Variants in FERMT2 observed in about 807,000 individuals in gnomAD.
FERMT2 encodes fermitin family homolog 2.
In FERMT2, 15 loss-of-function variants were observed where a neutral mutation model predicts 82.7. The observed-to-expected ratio is 0.18, with a 90% confidence interval of 0.12 to 0.28. FERMT2 has a LOEUF of 0.28. FERMT2 is among the 10% of genes least tolerant of loss of function. The pLI is 1.00. For synonymous variants in FERMT2, 274 were observed against 271.5 expected (o/e 1.01, Z -0.09); for missense variants, 645 against 809.4 (o/e 0.80, Z 2.46).
chr14:52,941,016 C>A (rs1220657214), intron 2 of FERMT2, among the ~76,000 whole-genome samples: 1 of 152,174 alleles, frequency 6.6e-6, no homozygotes, highest in Non-Finnish European at 1.5e-5. Flanking sequence ...AATATGCATT[C>A]ACACGGATGT....
intron 3 of FERMT2, among the ~76,000 whole-genome samples, chr14:52,905,190 A>C (rs1430251792): frequency 8.0e-6 from 1 of 124,504 alleles, no homozygotes; most frequent in African/African-American, 2.7e-5. Context: ...CTCCATCTCA[A>C]AAAAAAAAAA....
intron 2 of FERMT2, among the ~76,000 whole-genome samples, chr14:52,922,585 G>A (rs562625661): frequency 5.3e-5 from 8 of 152,250 alleles, no homozygotes; most frequent in African/African-American, 1.7e-4. Context: ...CTAAAACATA[G>A]AGGGCAAAGA....
chr14:52,891,749 C>A (rs886832380), intron 4 of FERMT2, among the ~76,000 whole-genome samples: 38 of 152,138 alleles, frequency 2.5e-4, no homozygotes, highest in African/African-American at 8.7e-4. Context: ...GGGGACCCAT[C>A]CTAAGTAATG....
chr14:52,861,349 C>A (rs770533682), intron 12 of FERMT2: 3 of 326,728 alleles, frequency 9.2e-6, no homozygotes, highest in African/African-American at 6.7e-5. Flanking sequence ...GCAAATATTT[C>A]TTTCCCCCTA....
chr14:52,884,929 G>A (rs12883765), intron 4 of FERMT2, among the ~76,000 whole-genome samples: 2 of 151,794 alleles, frequency 1.3e-5, no homozygotes, highest in Non-Finnish European at 2.9e-5. Context: ...TTGAACCGAG[G>A]AGGTGGAGGT....
chr14:52,871,003 C>T (rs542607925), intron 10 of FERMT2, among the ~76,000 whole-genome samples: 13 of 152,248 alleles, frequency 8.5e-5, no homozygotes, highest in Admixed American at 5.9e-4. Context: ...TACAAATGTA[C>T]CCAAAGAAGA....
chr14:52,923,929 G>A (rs944040520), intron 2 of FERMT2, among the ~76,000 whole-genome samples: 1 of 152,156 alleles, frequency 6.6e-6, no homozygotes, highest in South Asian at 2.1e-4. Flanking sequence ...TTAGAAGATG[G>A]GTAAGCTGGA....
intron 10 of FERMT2, among the ~76,000 whole-genome samples, chr14:52,870,758 A>G (rs766158494): frequency 2.5e-4 from 38 of 152,210 alleles, no homozygotes; most frequent in Non-Finnish European, 3.7e-4. Context: ...CAATGACAAA[A>G]TCACCTGGTG....
At chr14:52,931,986 G>T (rs1889601149) in intron 2 of FERMT2, among the ~76,000 whole-genome samples, 1 of 152,200 alleles carries the variant, frequency 6.6e-6, no homozygotes, top group Non-Finnish European at 1.5e-5. Context: ...CCCAGATCGT[G>T]CCACTGCACT....
At chr14:52,890,241 G>A (rs1462677635) in intron 4 of FERMT2, among the ~76,000 whole-genome samples, 5 of 150,726 alleles carry the variant, frequency 3.3e-5, no homozygotes, top group South Asian at 2.1e-4. Context: ...TGAGGAGTTC[G>A]AGACCAGCCT....
intron 10 of FERMT2, among the ~76,000 whole-genome samples, chr14:52,868,502 CTG>C (rs2140077346): frequency 6.6e-6 from 1 of 152,296 alleles, no homozygotes; most frequent in East Asian, 1.9e-4. Flanking sequence ...AGGATTGAGA[CTG>C]TAAGTGGTTC....
At chr14:52,901,956 GAA>G (rs1887679418) in intron 3 of FERMT2, among the ~76,000 whole-genome samples, 1 of 152,064 alleles carries the variant, frequency 6.6e-6, no homozygotes. Flanking sequence ...CTTCTAACAG[GAA>G]AGACAGAGAC....
At chr14:52,920,185 T>C (rs1404712155) in intron 2 of FERMT2, among the ~76,000 whole-genome samples, 1 of 152,198 alleles carries the variant, frequency 6.6e-6, no homozygotes, top group Non-Finnish European at 1.5e-5. Flanking sequence ...CAACTTCAAC[T>C]AGTTATTTAT....
At chr14:52,902,639 C>A (rs141679921) in intron 3 of FERMT2, among the ~76,000 whole-genome samples, 2 of 150,782 alleles carry the variant, frequency 1.3e-5, no homozygotes, top group African/African-American at 2.4e-5. Flanking sequence ...GAGGCCGAGG[C>A]GGGTGGATTA....
intron 2 of FERMT2, among the ~76,000 whole-genome samples, chr14:52,939,192 T>TAAA (rs34395615): frequency 1.7e-3 from 147 of 86,032 alleles, no homozygotes; most frequent in Admixed American, 4.1e-3. Context: ...CCATCTCTAC[T>TAAA]AAAAAAAAAA....
At chr14:52,868,512 T>G (rs1885424903) in intron 10 of FERMT2, among the ~76,000 whole-genome samples, 1 of 152,214 alleles carries the variant, frequency 6.6e-6, no homozygotes, top group Non-Finnish European at 1.5e-5. Flanking sequence ...CTGTAAGTGG[T>G]TCTTCCTTGT....
intron 6 of FERMT2, among the ~76,000 whole-genome samples, chr14:52,879,933 T>C (rs1886192913): frequency 6.6e-6 from 1 of 152,136 alleles, no homozygotes; most frequent in Non-Finnish European, 1.5e-5. Flanking sequence ...CAAGTAACAG[T>C]GTTTGTCTGT....
intron 4 of FERMT2, among the ~76,000 whole-genome samples, chr14:52,886,937 TA>T (rs1423954291): frequency 6.6e-6 from 1 of 152,004 alleles, no homozygotes; most frequent in East Asian, 1.9e-4. Flanking sequence ...ATTTTGTAAT[TA>T]AAAAATATAT....
intron 2 of FERMT2, among the ~76,000 whole-genome samples, chr14:52,922,560 G>T (rs969940582): frequency 5.9e-5 from 9 of 152,296 alleles, no homozygotes; most frequent in Admixed American, 3.3e-4. Flanking sequence ...AAACAATGTG[G>T]CCCAGGAGTA....
Sources: allele counts gnomAD v4.1 joint callset (sites outside exome capture counted in the v4.1 genomes callset), GRCh38; gene constraint gnomAD v4.1.1; transcripts MANE v1.5; gene names NCBI Gene and HGNC (gene_info 2026-07-23, HGNC 2026-07-21).